LRP1B: variants seen among roughly 807,000 people sequenced by gnomAD.
LRP1B encodes the protein low-density lipoprotein receptor-related protein 1B.
A neutral mutation model predicts 556.6 loss-of-function variants in LRP1B; 217 were observed. That is an observed-to-expected ratio of 0.39 (90% CI 0.35 to 0.44). The LOEUF (loss-of-function observed/expected upper bound fraction) is 0.44, where lower values mean the gene tolerates loss of function less well. Ranked by LOEUF, LRP1B falls within the 20% of genes least tolerant of loss-of-function variation. The pLI is 1.00. For missense variants in LRP1B, 5,053 were observed against 5,620.8 expected (o/e 0.90, Z 3.23); for synonymous variants, 2,047 against 1,865.8 (o/e 1.10, Z -2.50).
chr2:141,084,850 C>T (rs1348563289), intron 7 of LRP1B, among the ~76,000 whole-genome samples: 2 of 151,866 alleles, frequency 1.3e-5, no homozygotes, highest in African/African-American at 2.4e-5. Context: ...GGGGTTTCAC[C>T]GTGTTAGCCA....
At chr2:141,201,885 C>A (rs1682038215) in intron 6 of LRP1B, among the ~76,000 whole-genome samples, 1 of 152,114 alleles carries the variant, frequency 6.6e-6, no homozygotes, top group African/African-American at 2.4e-5. Context: ...AAATTGCAAC[C>A]AAGAAACCCA....
At chr2:140,609,711 C>T (rs1683000065) in intron 41 of LRP1B, among the ~76,000 whole-genome samples, 1 of 152,112 alleles carries the variant, frequency 6.6e-6, no homozygotes, top group Admixed American at 6.5e-5. Flanking sequence ...TAATTTTATG[C>T]CAAAAACGTA....
At chr2:141,865,273 C>G (rs894388499) in intron 1 of LRP1B, among the ~76,000 whole-genome samples, 1 of 152,082 alleles carries the variant, frequency 6.6e-6, no homozygotes, top group South Asian at 2.1e-4. Flanking sequence ...TAAAAGGACT[C>G]ATGAAAAATA....
intron 2 of LRP1B, among the ~76,000 whole-genome samples, chr2:141,735,567 A>T (rs1693434784): frequency 6.6e-6 from 1 of 151,762 alleles, no homozygotes; most frequent in Middle Eastern, 3.2e-3. Context: ...ATTTATAGAG[A>T]ACATTGACTG....
chr2:140,968,961 GT>G (rs1393578987), intron 18 of LRP1B, among the ~76,000 whole-genome samples: 1 of 152,146 alleles, frequency 6.6e-6, no homozygotes, highest in Non-Finnish European at 1.5e-5. Flanking sequence ...TATGTGGTCA[GT>G]TTTGGAATAA....
At position 141,966,376 on chromosome 2, in the gene LRP1B, G is replaced by A. The variant is rs565178297; in HGVS notation, c.83-155975C>T. On this transcript the variant is annotated intron_variant, in intron 1 of 90. Coordinates refer to ENST00000389484, the MANE Select transcript of LRP1B (RefSeq NM_018557.3). ...AGGGGGTTCTCCTCTGTTTTAGACA[G>A]TGTTGTCTGTGATGTCCTCTTGGAT... Among the ~76,000 whole-genome samples the A allele has an allele frequency of 2.6e-5, 4 of 151,984 alleles. No individual in the cohort carries two copies. The South Asian group carries it at 8.3e-4, about 32-fold the overall frequency.
At chr2:141,578,865 T>C (rs555459583) in intron 2 of LRP1B, among the ~76,000 whole-genome samples, 1 of 152,258 alleles carries the variant, frequency 6.6e-6, no homozygotes, top group African/African-American at 2.4e-5. Flanking sequence ...TGTGTCAAAA[T>C]GTAATTCTAT....
intron 41 of LRP1B, among the ~76,000 whole-genome samples, chr2:140,661,483 G>T (rs560987867): frequency 2.1e-4 from 31 of 148,602 alleles, no homozygotes; most frequent in African/African-American, 7.5e-4. Context: ...AAAATGATGA[G>T]ACCCCATCTC....
intron 1 of LRP1B, among the ~76,000 whole-genome samples, chr2:141,829,705 A>C (rs1040622345): frequency 1.3e-5 from 2 of 151,528 alleles, no homozygotes; most frequent in Admixed American, 1.3e-4. Flanking sequence ...TATGTTCTCC[A>C]CCTCCCCCAA....
chr2:141,989,614 A>T (rs1702287465), intron 1 of LRP1B, among the ~76,000 whole-genome samples: 1 of 151,996 alleles, frequency 6.6e-6, no homozygotes, highest in Admixed American at 6.6e-5. Context: ...CCTGTGTGAG[A>T]GTGGGACCAG....
intron 3 of LRP1B, among the ~76,000 whole-genome samples, chr2:141,269,165 C>T (rs1442770286): frequency 2.0e-5 from 3 of 152,068 alleles, no homozygotes; most frequent in Non-Finnish European, 2.9e-5. Flanking sequence ...AAAGCTCAAG[C>T]CTAAAGGAAC....
intron 23 of LRP1B, among the ~76,000 whole-genome samples, chr2:140,896,037 T>C (rs190277628): frequency 1.3e-5 from 2 of 152,068 alleles, no homozygotes; most frequent in Admixed American, 6.6e-5. Flanking sequence ...GGGTCCAAGC[T>C]TGAGGGTGGG....
intron 2 of LRP1B, among the ~76,000 whole-genome samples, chr2:141,780,332 T>C (rs1348080487): frequency 1.3e-5 from 2 of 152,088 alleles, no homozygotes. Context: ...AATGAAATTT[T>C]GTGTAGAAAT....
chr2:141,172,201 G>C (rs1680529307), intron 7 of LRP1B, among the ~76,000 whole-genome samples: 1 of 152,000 alleles, frequency 6.6e-6, no homozygotes, highest in Non-Finnish European at 1.5e-5. Flanking sequence ...CACTTCATGG[G>C]AAGTATTCAC....
At chr2:140,733,019 G>T (rs1687829202) in intron 35 of LRP1B, among the ~76,000 whole-genome samples, 1 of 152,126 alleles carries the variant, frequency 6.6e-6, no homozygotes, top group Admixed American at 6.6e-5. Flanking sequence ...ATGTATGTGT[G>T]TCTGTGTGTA....
chr2:140,867,367 G>T, intron 27 of LRP1B, among the ~76,000 whole-genome samples: 1 of 151,588 alleles, frequency 6.6e-6, no homozygotes, highest in South Asian at 2.1e-4. Context: ...GGCATCTTAG[G>T]AATTAAGATG....
chr2:141,602,121 G>T (rs1331936448), intron 2 of LRP1B, among the ~76,000 whole-genome samples: 1 of 151,942 alleles, frequency 6.6e-6, no homozygotes, highest in South Asian at 2.1e-4. Context: ...GCCTGTATCC[G>T]TGGAAGTTGA....
chr2:140,646,231 T>C (rs1055206756), intron 41 of LRP1B, among the ~76,000 whole-genome samples: 2 of 152,218 alleles, frequency 1.3e-5, no homozygotes, highest in Admixed American at 1.3e-4. Flanking sequence ...GACAGGGATT[T>C]AAGCTCATCA....
intron 7 of LRP1B, among the ~76,000 whole-genome samples, chr2:141,137,761 T>C (rs1226416167): frequency 6.6e-6 from 1 of 151,974 alleles, no homozygotes; most frequent in Non-Finnish European, 1.5e-5. Flanking sequence ...AACCCAAGTT[T>C]CAAGTTAAGA....
Sources: gnomAD v4.1 joint callset for allele counts (sites outside exome capture counted in the v4.1 genomes callset) on GRCh38, gnomAD v4.1.1 for gene constraint, MANE v1.5 for transcripts, NCBI Gene and HGNC (gene_info 2026-07-23, HGNC 2026-07-21) for gene names.